Variants in UEVLD observed in about 807,000 individuals in gnomAD.
The protein encoded by UEVLD is ubiquitin-conjugating enzyme E2 variant 3.
A neutral mutation model predicts 58.6 loss-of-function variants in UEVLD; 47 were observed. That is an observed-to-expected ratio of 0.80 (90% CI 0.63 to 1.02). The LOEUF (loss-of-function observed/expected upper bound fraction) is 1.02, where lower values mean the gene tolerates loss of function less well. UEVLD is among the 50% of genes least tolerant of loss of function. The probability of loss-of-function intolerance (pLI) is 0.00; values close to 1 mark genes in which losing one functional copy is unlikely to be tolerated. For synonymous variants in UEVLD, 197 were observed against 195.3 expected (o/e 1.01, Z -0.07); for missense variants, 510 against 550.6 (o/e 0.93, Z 0.74).
chr11:18,569,327 A>G (rs1169179122), intron 4 of UEVLD, among the ~76,000 whole-genome samples: 1 of 152,218 alleles, frequency 6.6e-6, no homozygotes, highest in African/African-American at 2.4e-5. Context: ...AATACCTTCT[A>G]TTAGAGAAAA....
intron 11 of UEVLD, among the ~76,000 whole-genome samples, chr11:18,532,992 T>C (rs1850631035): frequency 1.3e-5 from 2 of 152,126 alleles, no homozygotes; most frequent in South Asian, 4.1e-4. Flanking sequence ...ACCTCAAACA[T>C]TTATCATTTA....
intron 5 of UEVLD, 64 bp downstream of exon 5, chr11:18,566,282 AG>A: frequency 6.3e-7 from 1 of 1,586,754 alleles, no homozygotes; most frequent in Non-Finnish European, 8.6e-7. Flanking sequence ...CAGAAAGTAA[AG>A]GAGTTTAGTG....
chr11:18,566,168 G>A (rs1362713374), intron 5 of UEVLD, among the ~76,000 whole-genome samples, 179 bp downstream of exon 5: 2 of 151,936 alleles, frequency 1.3e-5, no homozygotes, highest in African/African-American at 4.8e-5. Context: ...CAAAGTCCTG[G>A]GATTACAGGA....
chr11:18,574,404 C>T (rs972835820), intron 3 of UEVLD, among the ~76,000 whole-genome samples: 1 of 152,186 alleles, frequency 6.6e-6, no homozygotes, highest in Non-Finnish European at 1.5e-5. Context: ...TCCCAAAGTG[C>T]TGGGATTACA....
chr11:18,537,984 G>A (rs1850883235), intron 9 of UEVLD, among the ~76,000 whole-genome samples: 1 of 152,154 alleles, frequency 6.6e-6, no homozygotes, highest in African/African-American at 2.4e-5. Context: ...TTAAATTGAA[G>A]TTGCCAGTAA....
chr11:18,532,479 A>G lies in UEVLD; in HGVS notation c.1257T>C (p.Tyr419=). The G allele has an allele frequency of 6.2e-7, 1 of 1,602,172 alleles. No homozygotes were observed. The highest frequency in any genetic ancestry group is 1.1e-5 in the South Asian group (1 of 88,696). The stretch of plus-strand genomic sequence containing the variant: ...TTAAAAACACTTCACTATTTATATC[A>G]TAATATCCCTGAAATGAGAAAAATA... ...HSVSALAKGY[Y]DINSEVFLSL... The change falls in exon 12 of 12, where the codon TAT becomes TAC. Residue 419 remains tyrosine, a synonymous_variant. Coordinates refer to ENST00000396197, the MANE Select transcript of UEVLD (RefSeq NM_001040697.4).
Position 18,563,733 on chromosome 11 carries a change from G to A in UEVLD, c.612+1159C>T, listed in dbSNP as rs895382588. On this transcript the variant is annotated intron_variant, in intron 6 of 11. Coordinates refer to ENST00000396197, the MANE Select transcript of UEVLD (RefSeq NM_001040697.4). Reference sequence around the variant, plus strand: ...TAAGAGGTAATAGCAGGCCAGGTACGGTGGCTCACACTTGTAATCCCAGCA... The same window carrying A: ...TAAGAGGTAATAGCAGGCCAGGTACAGTGGCTCACACTTGTAATCCCAGCA... The A allele has an allele frequency of 9.2e-6, 9 of 983,310 alleles. No individual in the cohort carries two copies. The East Asian group carries it at 3.4e-4, about 37-fold the overall frequency. 60.9% of individuals were successfully genotyped at this position (983,310 alleles called of 1,614,324 possible).
chr11:18,583,222 CTTTTT>C (rs10540605), intron 1 of UEVLD, among the ~76,000 whole-genome samples: 1 of 122,200 alleles, frequency 8.2e-6, no homozygotes, highest in East Asian at 2.4e-4. Flanking sequence ...TTGTGCCCAG[CTTTTT>C]TTTTTTTTTT....
intron 11 of UEVLD, 39 bp downstream of exon 11, chr11:18,534,291 A>G (rs1590302466): frequency 1.4e-6 from 2 of 1,388,354 alleles, no homozygotes; most frequent in East Asian, 5.9e-5. Flanking sequence ...AATAATATCT[A>G]AGTTTAAAAT....
At chr11:18,573,086 G>A (rs1367013006) in intron 3 of UEVLD, among the ~76,000 whole-genome samples, 2 of 152,120 alleles carry the variant, frequency 1.3e-5, no homozygotes, top group Non-Finnish European at 2.9e-5. Context: ...AAAGGTGGGG[G>A]GAGCACCTGA....
intron 1 of UEVLD, among the ~76,000 whole-genome samples, chr11:18,584,722 T>C (rs1191482469): frequency 6.6e-6 from 1 of 152,106 alleles, no homozygotes; most frequent in African/African-American, 2.4e-5. Context: ...AACCTCCACC[T>C]CCCGGGTTCA....
At chr11:18,576,209 G>A (rs963802672) in intron 2 of UEVLD, among the ~76,000 whole-genome samples, 4 of 152,270 alleles carry the variant, frequency 2.6e-5, no homozygotes, top group African/African-American at 4.8e-5. Context: ...CTTCTTGCCT[G>A]GGGACTAGAC....
chr11:18,574,553 C>G (rs192186798), intron 3 of UEVLD, among the ~76,000 whole-genome samples: 128 of 152,282 alleles, frequency 8.4e-4, no homozygotes, highest in Middle Eastern at 6.8e-3. Context: ...TCTTGTGATT[C>G]TTATCTGAAA....
At chr11:18,565,901 T>TA (rs1491147880) in intron 5 of UEVLD, among the ~76,000 whole-genome samples, 3 of 61,484 alleles carry the variant, frequency 4.9e-5, no homozygotes, top group African/African-American at 7.2e-5. Flanking sequence ...TTTTTTTTTC[T>TA]TTTTTTTTTT....
Position 18,578,766 on chromosome 11 carries a change from T to G in UEVLD, c.85A>C (p.Asn29His), listed in dbSNP as rs1853071405. 1 of 1,608,702 alleles carries G rather than the reference T, an allele frequency of 6.2e-7. No homozygotes were observed. Among genetic ancestry groups the G allele is most frequent in the Non-Finnish European group, 8.5e-7 (1 of 1,177,516 alleles). Residue 29 changes from asparagine to histidine, a missense_variant, in exon 2 of 12, where the codon AAT becomes CAT. Asn to His is a moderately conservative substitution (Grantham distance 68). Coordinates refer to ENST00000396197, the MANE Select transcript of UEVLD (RefSeq NM_001040697.4). ...TATTTGAAATGTGGGAAAAATACAT[T>G]TACATTCCTTAGTTCTTCCACAGTT... is the stretch of plus-strand genomic sequence containing the variant. ...DLTVEELRNV[N>H]VFFPHFKYSM...
chr11:18,568,425 G>A (rs913864101), intron 4 of UEVLD, among the ~76,000 whole-genome samples: 3 of 152,142 alleles, frequency 2.0e-5, no homozygotes, highest in African/African-American at 7.2e-5. Context: ...GGATGGAGGA[G>A]AGAAACAGAC....
chr11:18,552,589 C>T lies in UEVLD; in HGVS notation c.716-5539G>A, dbSNP rs1590331988. On this transcript the variant is annotated intron_variant, in intron 7 of 11. Coordinates refer to ENST00000396197, the MANE Select transcript of UEVLD (RefSeq NM_001040697.4). ...TAAAATTAAAAAATTAGGCTGGTCA[C>T]GGTGGCTCACGCATGTAATCACAGC... 3.3e-5 allele frequency among the ~76,000 whole-genome samples: 5 copies of T among 151,692 alleles called. No homozygotes were observed. The East Asian group carries it at 5.8e-4, about 18-fold the overall frequency.
intron 3 of UEVLD, among the ~76,000 whole-genome samples, chr11:18,574,382 C>A (rs1260289310): frequency 2.0e-5 from 3 of 152,198 alleles, no homozygotes; most frequent in Non-Finnish European, 4.4e-5. Context: ...AAGTGATCTG[C>A]CCACCTAGGC....
chr11:18,549,483 AT>A (rs1851436205), intron 7 of UEVLD, among the ~76,000 whole-genome samples: 1 of 151,916 alleles, frequency 6.6e-6, no homozygotes, highest in African/African-American at 2.4e-5. Context: ...GTGGTATGCA[AT>A]CTCAGCTCAC....
Sources: gnomAD v4.1 joint callset for allele counts (sites outside exome capture counted in the v4.1 genomes callset) on GRCh38, gnomAD v4.1.1 for gene constraint, MANE v1.5 for transcripts, NCBI Gene and HGNC (gene_info 2026-07-23, HGNC 2026-07-21) for gene names.